The following UNC79 variants were observed in gnomAD, a reference collection of about 807,000 sequenced individuals.
UNC79 encodes the protein protein unc-79 homolog.
Under a neutral mutation model 283.1 loss-of-function variants are expected in UNC79, and 37 were observed. The observed-to-expected ratio is 0.13, with a 90% CI of 0.10 to 0.17. The LOEUF (loss-of-function observed/expected upper bound fraction) is 0.17. Ranked by LOEUF, UNC79 falls within the 10% of genes least tolerant of loss-of-function variation. The probability of loss-of-function intolerance (pLI) is 1.00; values close to 1 mark genes in which losing one functional copy is unlikely to be tolerated. For missense variants in UNC79, 2,272 were observed against 3,211.1 expected (o/e 0.71, Z 7.07); for synonymous variants, 1,107 against 1,200.2 (o/e 0.92, Z 1.61).
intron 26 of UNC79, among the ~76,000 whole-genome samples, chr14:93,604,641 A>T (rs895606432): frequency 6.6e-6 from 1 of 152,250 alleles, no homozygotes; most frequent in Non-Finnish European, 1.5e-5. Flanking sequence ...TTTAGAATAT[A>T]AAGTATATTT....
chr14:93,440,764 T>G (rs2056271734), intron 1 of UNC79, among the ~76,000 whole-genome samples: 1 of 152,138 alleles, frequency 6.6e-6, no homozygotes, highest in African/African-American at 2.4e-5. Flanking sequence ...TGTTGATTTC[T>G]AATTTTATTG....
At chr14:93,677,633 G>A (rs997185693) in intron 41 of UNC79, among the ~76,000 whole-genome samples, 5 of 152,060 alleles carry the variant, frequency 3.3e-5, no homozygotes, top group Admixed American at 6.6e-5. Context: ...GAGGAGAAAC[G>A]TTGTTTCTCT....
intron 29 of UNC79, among the ~76,000 whole-genome samples, chr14:93,619,759 TA>T (rs1339269676): frequency 6.6e-6 from 1 of 152,016 alleles, no homozygotes; most frequent in Non-Finnish European, 1.5e-5. Flanking sequence ...GCCCTTATGC[TA>T]AAAAAAACCT....
intron 14 of UNC79, among the ~76,000 whole-genome samples, chr14:93,561,116 A>C (rs1168802450): frequency 2.0e-5 from 3 of 152,172 alleles, no homozygotes; most frequent in Non-Finnish European, 4.4e-5. Context: ...TATTGATAGA[A>C]GGCTTATCTG....
At chr14:93,358,734 C>T (rs2054160637) in intron 1 of UNC79, among the ~76,000 whole-genome samples, 1 of 152,196 alleles carries the variant, frequency 6.6e-6, no homozygotes, top group Admixed American at 6.5e-5. Context: ...ATCCATGCTG[C>T]CATCAGCCTT....
intron 41 of UNC79, among the ~76,000 whole-genome samples, chr14:93,681,994 G>A (rs749160086): frequency 1.7e-4 from 26 of 152,202 alleles, no homozygotes; most frequent in Non-Finnish European, 3.7e-4. Flanking sequence ...CTGTGCTCTT[G>A]AAGAGCTCAC....
chr14:93,625,304 C>A (rs137937574), intron 30 of UNC79, among the ~76,000 whole-genome samples: 24 of 152,216 alleles, frequency 1.6e-4, no homozygotes, highest in Non-Finnish European at 2.5e-4. Flanking sequence ...GCTGCATACC[C>A]TCAGATCACG....
At chr14:93,609,212 G>A (rs2066115273) in intron 26 of UNC79, among the ~76,000 whole-genome samples, 1 of 152,154 alleles carries the variant, frequency 6.6e-6, no homozygotes, top group African/African-American at 2.4e-5. Flanking sequence ...AAATTGTTGG[G>A]GGAGGGTAGA....
intron 47 of UNC79, among the ~76,000 whole-genome samples, chr14:93,699,700 C>G (rs753650188): frequency 6.6e-6 from 1 of 152,126 alleles, no homozygotes; most frequent in Non-Finnish European, 1.5e-5. Context: ...CCTCCATTTC[C>G]CACCTCCTGA....
In UNC79 at chr14:93,621,887, T is replaced by C. The variant is rs755511190; in HGVS notation, c.4654T>C (p.Ser1552Pro). The change falls in exon 30 of 49, where the codon TCT (serine) becomes CCT (proline). Residue 1552 changes from serine (S) to proline (P), a missense_variant. This residue lies in a region of UNC79 where 580 missense variants were observed against 632.2 expected (regional missense o/e 0.92). Transcript: ENST00000555664. This position sits in a 1 kb window ranked among gnomAD's most constrained non-coding sequence, Gnocchi z 4.8. ...CGACCCTGGACGTTCTAGACAGAACTCTGCTACGAGGCCTGACAATAGTGA... is the reference window on the plus strand; with the variant it reads ...CGACCCTGGACGTTCTAGACAGAACCCTGCTACGAGGCCTGACAATAGTGA... 2.0e-5 allele frequency: 32 copies of C among 1,614,062 alleles called. No individual in the cohort carries two copies. Among genetic ancestry groups the C allele is most frequent in the Non-Finnish European group, 2.7e-5 (32 of 1,180,006 alleles).
At chr14:93,632,334 A>T (rs1208423774) in intron 31 of UNC79, among the ~76,000 whole-genome samples, 2 of 152,242 alleles carry the variant, frequency 1.3e-5, no homozygotes, top group Non-Finnish European at 2.9e-5. Flanking sequence ...ACATGATAAA[A>T]TGCCAATTTT....
intron 30 of UNC79, among the ~76,000 whole-genome samples, chr14:93,626,269 C>T (rs759065156): frequency 3.9e-4 from 59 of 152,190 alleles, no homozygotes; most frequent in Non-Finnish European, 7.2e-4. Context: ...CCTCCTATCA[C>T]CTTATCTGCC....
chr14:93,681,175 G>A (rs1173620084), intron 41 of UNC79, among the ~76,000 whole-genome samples: 3 of 152,198 alleles, frequency 2.0e-5, no homozygotes, highest in Non-Finnish European at 4.4e-5. Flanking sequence ...GAGGCAAATG[G>A]AAATGACAGA....
At chr14:93,635,595 A>G (rs1035967946) in intron 31 of UNC79, among the ~76,000 whole-genome samples, 1 of 152,250 alleles carries the variant, frequency 6.6e-6, no homozygotes, top group African/African-American at 2.4e-5. Flanking sequence ...CATAGTATTT[A>G]TGTACATAAT....
At position 93,346,801 on chromosome 14, in the gene UNC79, T is replaced by C. The variant is rs1054015560; in HGVS notation, c.-351+13278T>C. ...CCTTACCCTGCAGAAAAGAGATACT[T>C]AGTGTGAGGTGGGGTTGGGGCTCAG... On this transcript the variant is annotated intron_variant, in intron 1 of 49. Transcript: ENST00000256339. 5.9e-5 allele frequency among the ~76,000 whole-genome samples: 9 copies of C among 151,752 alleles called. No homozygotes were observed. In the South Asian group the frequency reaches 1.7e-3, roughly 28 times the overall value.
rs754095522 is a variant in UNC79, at chr14:93,572,867, A to G, written c.2070+51A>G. 6.2e-6 allele frequency: 10 copies of G among 1,601,886 alleles called. No homozygotes were observed. The Admixed American group carries it at 6.9e-5, about 11-fold the overall frequency. ...TTTAGGAAATAGTTCTTAGCTTATA[A>G]GCTTTAGATCCCTGGATCGAGAGAG... On this transcript the variant is annotated intron_variant, in intron 16 of 48. Coordinates refer to ENST00000555664, the Ensembl canonical transcript of UNC79.
intron 14 of UNC79, among the ~76,000 whole-genome samples, chr14:93,564,689 G>A (rs545069332): frequency 9.7e-4 from 147 of 152,224 alleles, no homozygotes; most frequent in African/African-American, 3.3e-3. Flanking sequence ...AAGGGAGATA[G>A]GGGTGGGGCC....
chr14:93,418,249 C>T (rs1170581933), intron 1 of UNC79, among the ~76,000 whole-genome samples: 1 of 151,814 alleles, frequency 6.6e-6, no homozygotes, highest in African/African-American at 2.4e-5. Flanking sequence ...ACAGGACCCT[C>T]AGCTGCAGGT....
At chr14:93,620,988 T>C (rs770498594) in intron 29 of UNC79, 1 of 518,742 alleles carries the variant, frequency 1.9e-6, no homozygotes, top group Admixed American at 1.9e-5. Flanking sequence ...TTGAAAAGAA[T>C]AGGCGGCAGC....
Sources: gnomAD v4.1 joint callset for allele counts (sites outside exome capture counted in the v4.1 genomes callset) on GRCh38, gnomAD v4.1.1 for gene constraint, gnomAD v4.1.1 regional missense constraint, Gnocchi (gnomAD v3.1) non-coding constraint, MANE v1.5 for transcripts, NCBI Gene and HGNC (gene_info 2026-07-23, HGNC 2026-07-21) for gene names.